VAV3: variants seen among roughly 807,000 people sequenced by gnomAD.
VAV3 encodes the protein guanine nucleotide exchange factor VAV3.
VAV3 carries 94 observed loss-of-function variants against 131.2 expected under a neutral mutation model. The observed-to-expected ratio is 0.72, with a 90% CI of 0.61 to 0.85. The LOEUF is 0.85. Ranked by LOEUF, VAV3 falls within the 40% of genes least tolerant of loss-of-function variation. The probability of loss-of-function intolerance (pLI) is 0.00; values close to 1 mark genes in which losing one functional copy is unlikely to be tolerated. For missense variants in VAV3, 939 were observed against 1,002.7 expected (o/e 0.94, Z 0.86); for synonymous variants, 349 against 342.0 (o/e 1.02, Z -0.22).
intron 1 of VAV3, among the ~76,000 whole-genome samples, chr1:107,878,310 TTATCTAA>T (rs1230546838): frequency 7.2e-5 from 11 of 152,330 alleles, no homozygotes; most frequent in Admixed American, 2.0e-4. Flanking sequence ...TAATTTCATA[TTATCTAA>T]TATCCATTCC....
chr1:107,609,552 A>AT (rs1406504827), intron 22 of VAV3: 14 of 156,124 alleles, frequency 9.0e-5, no homozygotes, highest in Non-Finnish European at 1.4e-4. Context: ...ATAAAAAATA[A>AT]AAAAAAAAAC....
intron 1 of VAV3, among the ~76,000 whole-genome samples, chr1:107,909,479 T>C (rs1672264833): frequency 6.6e-6 from 1 of 152,174 alleles, no homozygotes; most frequent in East Asian, 1.9e-4. Flanking sequence ...TTTCCCGAGC[T>C]TTATATTTCC....
At chr1:107,625,614 A>C (rs911623282) in intron 20 of VAV3, among the ~76,000 whole-genome samples, 5 of 152,202 alleles carry the variant, frequency 3.3e-5, no homozygotes, top group Admixed American at 3.3e-4. Flanking sequence ...AGGACATTTC[A>C]GCTTCTTAGT....
chr1:107,627,251 A>C (rs1480742858), intron 20 of VAV3, among the ~76,000 whole-genome samples: 4 of 152,146 alleles, frequency 2.6e-5, no homozygotes, highest in African/African-American at 9.7e-5. Context: ...ACTCTCTGTG[A>C]GGTATCCTGG....
At chr1:107,769,096 TCAA>T (rs1664897343) in intron 6 of VAV3, among the ~76,000 whole-genome samples, 1 of 152,186 alleles carries the variant, frequency 6.6e-6, no homozygotes, top group African/African-American at 2.4e-5. Flanking sequence ...CTTGTCATTA[TCAA>T]CAACTTCATA....
At chr1:107,953,339 C>T (rs1674647085) in intron 1 of VAV3, among the ~76,000 whole-genome samples, 1 of 152,150 alleles carries the variant, frequency 6.6e-6, no homozygotes, top group Admixed American at 6.5e-5. Context: ...CCACCATGTA[C>T]CAGGCATTTA....
chr1:107,860,902 C>T (rs916675674), intron 2 of VAV3, among the ~76,000 whole-genome samples: 14 of 151,558 alleles, frequency 9.2e-5, no homozygotes, highest in Non-Finnish European at 1.5e-5. Flanking sequence ...AAAAGACTTA[C>T]AGAAACATAA....
intron 22 of VAV3, 27 bp from the exon 23 acceptor site, chr1:107,603,190 T>G (rs756554839): frequency 6.4e-7 from 1 of 1,565,020 alleles, no homozygotes; most frequent in Admixed American, 1.7e-5. Flanking sequence ...CACAGAAAAT[T>G]TGGATAATAT....
intron 18 of VAV3, chr1:107,686,034 T>TGGGGGGG (rs554715740): frequency 1.5e-4 from 13 of 85,064 alleles, no homozygotes; most frequent in Non-Finnish European, 1.6e-4. Flanking sequence ...GTTGGGGGGG[T>TGGGGGGG]GGGGGGGGAG....
intron 6 of VAV3, among the ~76,000 whole-genome samples, chr1:107,768,973 T>G (rs571850553): frequency 1.3e-5 from 2 of 152,222 alleles, no homozygotes; most frequent in Non-Finnish European, 2.9e-5. Context: ...CTCGGCATTC[T>G]CAGTATCTGT....
At chr1:107,624,779 G>T (rs2101307753) in intron 20 of VAV3, among the ~76,000 whole-genome samples, 1 of 152,252 alleles carries the variant, frequency 6.6e-6, no homozygotes, top group Non-Finnish European at 1.5e-5. Flanking sequence ...CAAAAGTAGT[G>T]CTTTAAAGAA....
chr1:107,800,749 TA>T (rs1355979420), intron 2 of VAV3, among the ~76,000 whole-genome samples: 2 of 152,194 alleles, frequency 1.3e-5, no homozygotes, highest in African/African-American at 2.4e-5. Context: ...AGTTTGCAAA[TA>T]TTTTTTCTCA....
intron 19 of VAV3, among the ~76,000 whole-genome samples, chr1:107,655,964 G>A (rs538665859): frequency 2.6e-5 from 4 of 152,208 alleles, no homozygotes; most frequent in African/African-American, 9.6e-5. Flanking sequence ...CACCAGTGAG[G>A]GTGTGGAGAA....
At chr1:107,962,416 A>G (rs1198214848) in intron 1 of VAV3, among the ~76,000 whole-genome samples, 1 of 152,224 alleles carries the variant, frequency 6.6e-6, no homozygotes, top group Non-Finnish European at 1.5e-5. Context: ...TATTACTCTT[A>G]ATATAACAAT....
In VAV3 at chr1:107,807,873, C is replaced by T. The variant is rs563352357; in HGVS notation, c.322-28381G>A. 4.0e-4 allele frequency among the ~76,000 whole-genome samples: 61 copies of T among 152,256 alleles called. 1 individual carries two copies. The highest frequency in any genetic ancestry group is 1.3e-3 in the African/African-American group (54 of 41,542). ...TTTCAGTGTACAAGTCCAGGACCAG[C>T]AGGAACAGAAACTGATCAAATGGTA... is the stretch of plus-strand genomic sequence containing the variant. On this transcript the variant is annotated intron_variant, in intron 2 of 26. Coordinates refer to ENST00000370056, the MANE Select transcript of VAV3 (RefSeq NM_006113.5).
intron 11 of VAV3, 151 bp downstream of exon 11, chr1:107,757,110 T>TG: frequency 2.0e-6 from 1 of 493,176 alleles, no homozygotes; most frequent in South Asian, 5.6e-5. Flanking sequence ...TAATATTTTA[T>TG]TTATGTGTAT....
chr1:107,604,270 T>G (rs187038221), intron 22 of VAV3, among the ~76,000 whole-genome samples: 2 of 152,256 alleles, frequency 1.3e-5, no homozygotes, highest in East Asian at 3.9e-4. Context: ...TAATGCAAAC[T>G]TAATATTCAT....
rs1338499120 is a variant in VAV3 at position 107,718,473 on chromosome 1, T to G, written c.1503-13412A>C. Among the ~76,000 whole-genome samples, 5 of 151,982 alleles carry G rather than the reference T, an allele frequency of 3.3e-5. No individual in the cohort carries two copies. In the East Asian group the frequency reaches 9.7e-4, roughly 29 times the overall value. On this transcript the variant is annotated intron_variant, in intron 15 of 26. Coordinates refer to ENST00000370056, the MANE Select transcript of VAV3 (RefSeq NM_006113.5). The stretch of plus-strand genomic sequence containing the variant: ...CCATTCACAATTGCTACAAAGAGAA[T>G]AAAATACCTAGGAATCCAACTTACA...
intron 2 of VAV3, among the ~76,000 whole-genome samples, chr1:107,864,950 T>G (rs1001855726): frequency 2.0e-5 from 3 of 152,130 alleles, no homozygotes; most frequent in African/African-American, 7.2e-5. Flanking sequence ...AAATGATGGG[T>G]GAATTACTCA....
Sources: gnomAD v4.1 joint callset for allele counts (sites outside exome capture counted in the v4.1 genomes callset) on GRCh38, gnomAD v4.1.1 for gene constraint, MANE v1.5 for transcripts, NCBI Gene and HGNC (gene_info 2026-07-23, HGNC 2026-07-21) for gene names.